Variants in MAGI1 observed in about 807,000 individuals in gnomAD.
MAGI1 encodes membrane associated guanylate kinase, WW and PDZ domain containing 1, also known as membrane-associated guanylate kinase, WW and PDZ domain-containing protein 1.
MAGI1 carries 58 observed loss-of-function variants against 139.9 expected under a neutral mutation model. That is an observed-to-expected ratio of 0.41 (90% CI 0.34 to 0.52). MAGI1 has a LOEUF of 0.52. Among genes scored for constraint, MAGI1 ranks in the 20% least tolerant of loss-of-function variants. MAGI1 has a pLI of 0.12. For synonymous variants in MAGI1, 812 were observed against 737.9 expected (o/e 1.10, Z -1.63); for missense variants, 1,874 against 1,901.6 (o/e 0.99, Z 0.27).
chr3:65,442,864 A>C lies in MAGI1; in HGVS notation c.1079-15T>G, dbSNP rs375630283. On this transcript the variant is annotated splice_polypyrimidine_tract_variant and intron_variant, in intron 7 of 22. Transcript: ENST00000402939. The stretch of plus-strand genomic sequence containing the variant: ...AGCAGGCAGTTCTGAAAAATAAAAG[A>C]ACATTTAGGGCAAGAAGAGCATATT... The C allele has an allele frequency of 6.2e-7, 1 of 1,608,620 alleles. No homozygotes were observed. The highest frequency in any genetic ancestry group is 8.5e-7 in the Non-Finnish European group (1 of 1,175,254).
chr3:65,514,067 C>T (rs2077735215), intron 2 of MAGI1, among the ~76,000 whole-genome samples: 1 of 143,310 alleles, frequency 7.0e-6, no homozygotes, highest in African/African-American at 2.6e-5. Context: ...AAAGGATTCC[C>T]TATTTAATAA....
At chr3:65,560,014 C>T (rs1481953426) in intron 2 of MAGI1, among the ~76,000 whole-genome samples, 1 of 152,068 alleles carries the variant, frequency 6.6e-6, no homozygotes, top group Non-Finnish European at 1.5e-5. Flanking sequence ...CCAGCCTGGG[C>T]GAGAGAGTGA....
chr3:65,624,915 C>G (rs931986085), intron 1 of MAGI1, among the ~76,000 whole-genome samples: 4 of 152,078 alleles, frequency 2.6e-5, no homozygotes, highest in African/African-American at 7.2e-5. Flanking sequence ...TTCTGTTGCC[C>G]AGGCTTGTGT....
At chr3:65,586,280 C>T (rs1033129107) in intron 2 of MAGI1, among the ~76,000 whole-genome samples, 3 of 151,422 alleles carry the variant, frequency 2.0e-5, no homozygotes, top group Admixed American at 2.0e-4. Context: ...AATCTAATAC[C>T]TTTATACACT....
intron 2 of MAGI1, among the ~76,000 whole-genome samples, chr3:65,589,839 A>AAC: frequency 6.7e-6 from 1 of 149,382 alleles, no homozygotes; most frequent in Non-Finnish European, 1.5e-5. Flanking sequence ...GTGGTTTTCA[A>AAC]AAAAAAAAAA....
intron 1 of MAGI1, among the ~76,000 whole-genome samples, chr3:65,878,363 A>G (rs1320416730): frequency 6.6e-6 from 1 of 152,108 alleles, no homozygotes; most frequent in Non-Finnish European, 1.5e-5. Context: ...CAGAAATACA[A>G]AAATTAGCCA....
At chr3:65,385,422 T>C (rs1943370216) in intron 14 of MAGI1, among the ~76,000 whole-genome samples, 1 of 152,230 alleles carries the variant, frequency 6.6e-6, no homozygotes, top group African/African-American at 2.4e-5. Context: ...CCTTCTTATT[T>C]AATTAACTGG....
chr3:65,967,657 C>T (rs1225056325), intron 1 of MAGI1, among the ~76,000 whole-genome samples: 1 of 152,304 alleles, frequency 6.6e-6, no homozygotes, highest in African/African-American at 2.4e-5. Context: ...CGACAGGAAA[C>T]GTTTCTTGAC....
chr3:65,879,142 T>C (rs896344836), intron 1 of MAGI1, among the ~76,000 whole-genome samples: 13 of 152,056 alleles, frequency 8.5e-5, no homozygotes, highest in Non-Finnish European at 1.3e-4. Flanking sequence ...CACAGCCTAA[T>C]TGGGAGTGAC....
intron 10 of MAGI1, among the ~76,000 whole-genome samples, chr3:65,432,492 C>T (rs1342308470): frequency 9.9e-5 from 15 of 152,196 alleles, no homozygotes; most frequent in East Asian, 9.6e-4. Context: ...GTTTCTGGCT[C>T]TTGCAAAGAA....
intron 1 of MAGI1, among the ~76,000 whole-genome samples, chr3:65,784,320 T>C (rs1464670674): frequency 1.3e-5 from 2 of 152,184 alleles, no homozygotes; most frequent in East Asian, 1.9e-4. Flanking sequence ...TGAAAACATA[T>C]GTCCACACAG....
At chr3:65,442,396 T>A (rs566381255) in intron 8 of MAGI1, among the ~76,000 whole-genome samples, 1 of 152,310 alleles carries the variant, frequency 6.6e-6, no homozygotes, top group East Asian at 1.9e-4. Flanking sequence ...AGTTCAGATC[T>A]GGGTAGAGCA....
chr3:65,652,819 A>G (rs1177806094), intron 1 of MAGI1, among the ~76,000 whole-genome samples: 1 of 152,204 alleles, frequency 6.6e-6, no homozygotes, highest in Non-Finnish European at 1.5e-5. Context: ...GGTTTTCAAG[A>G]GACTAAAGAT....
At position 65,648,321 on chromosome 3, in the gene MAGI1, G is replaced by A. The variant is rs537035145; in HGVS notation, c.314-26233C>T. 5.0e-4 allele frequency among the ~76,000 whole-genome samples: 74 copies of A among 146,612 alleles called. 1 individual carries two copies. In the South Asian group the frequency reaches 0.012, roughly 23 times the overall value. ...TGTGTGTGTGTGTGTGTGTGTGCGCGTGCGCGTGCACACAGACAGGGTCTC... is the reference window on the plus strand; with the variant it reads ...TGTGTGTGTGTGTGTGTGTGTGCGCATGCGCGTGCACACAGACAGGGTCTC... On this transcript the variant is annotated intron_variant, in intron 1 of 22. Coordinates refer to ENST00000402939, the MANE Select transcript of MAGI1 (RefSeq NM_001033057.2).
chr3:65,779,267 T>C (rs568169708), intron 1 of MAGI1, among the ~76,000 whole-genome samples: 52 of 152,302 alleles, frequency 3.4e-4, no homozygotes, highest in African/African-American at 1.1e-3. Context: ...GCAGCGTTAA[T>C]GTGAGTGGCC....
At chr3:65,456,680 G>C (rs1320152306) in intron 5 of MAGI1, among the ~76,000 whole-genome samples, 1 of 151,952 alleles carries the variant, frequency 6.6e-6, no homozygotes, top group African/African-American at 2.4e-5. Context: ...GAATTATTTG[G>C]GGTTAATTTT....
chr3:65,402,113 G>A (rs1334433750), intron 12 of MAGI1, among the ~76,000 whole-genome samples: 2 of 152,152 alleles, frequency 1.3e-5, no homozygotes, highest in African/African-American at 2.4e-5. Context: ...GCACATGTCT[G>A]TCTCAACGTC....
intron 1 of MAGI1, among the ~76,000 whole-genome samples, chr3:65,707,863 C>T (rs867121718): frequency 2.0e-5 from 3 of 152,076 alleles, no homozygotes; most frequent in African/African-American, 7.2e-5. Context: ...GGAAAGCAAG[C>T]CAATAAAATT....
chr3:65,866,816 CT>C (rs759507179), intron 1 of MAGI1, among the ~76,000 whole-genome samples: 55 of 151,784 alleles, frequency 3.6e-4, no homozygotes, highest in Non-Finnish European at 5.3e-4. Context: ...ACAAACATAA[CT>C]TGTGGTCCCT....
Sources: gnomAD v4.1 joint callset for allele counts (sites outside exome capture counted in the v4.1 genomes callset) on GRCh38, gnomAD v4.1.1 for gene constraint, MANE v1.5 for transcripts, NCBI Gene and HGNC (gene_info 2026-07-23, HGNC 2026-07-21) for gene names.